Variants in SOX5 observed in about 807,000 individuals in gnomAD.
The protein encoded by SOX5 is SRY-box transcription factor 5, also known as transcription factor SOX-5.
In SOX5, 9 loss-of-function variants were observed where a neutral mutation model predicts 92.0. The observed-to-expected ratio is 0.10, with a 90% CI of 0.06 to 0.17. SOX5 has a LOEUF of 0.17. Ranked by LOEUF, SOX5 falls within the 10% of genes least tolerant of loss-of-function variation. SOX5 has a pLI of 1.00. For synonymous variants in SOX5, 344 were observed against 336.3 expected (o/e 1.02, Z -0.25); for missense variants, 642 against 944.5 (o/e 0.68, Z 4.20).
intron 6 of SOX5, among the ~76,000 whole-genome samples, chr12:23,679,336 G>A (rs1157153182): frequency 5.3e-5 from 8 of 152,106 alleles, no homozygotes; most frequent in South Asian, 2.1e-4. Context: ...TGGCAATTAA[G>A]GTGAGGATAC....
intron 2 of SOX5, among the ~76,000 whole-genome samples, chr12:24,348,100 C>A (rs977200070): frequency 1.3e-5 from 2 of 148,546 alleles, no homozygotes; most frequent in African/African-American, 5.0e-5. Context: ...CACACCACTT[C>A]TGAATATTTT....
intron 3 of SOX5, among the ~76,000 whole-genome samples, chr12:23,771,917 T>C (rs1307798048): frequency 2.0e-5 from 3 of 152,212 alleles, no homozygotes; most frequent in East Asian, 1.9e-4. Flanking sequence ...GTGAAAACTC[T>C]GAAGTTTGGC....
At chr12:23,683,172 A>G (rs1029035854) in intron 6 of SOX5, among the ~76,000 whole-genome samples, 3 of 151,954 alleles carry the variant, frequency 2.0e-5, no homozygotes, top group Non-Finnish European at 4.4e-5. Context: ...AGCCCTAATG[A>G]TGGTGTAAAT....
rs533772915 is a variant in SOX5 at position 23,621,804 on chromosome 12, C to T, written c.1018-17271G>A. ...TGAAACAAGAGCTATGAGATCAACC[C>T]ACCCTTCACTGACTTTGCAAAAACC... On this transcript the variant is annotated intron_variant, in intron 8 of 14. Transcript: ENST00000451604. Among the ~76,000 whole-genome samples the T allele has an allele frequency of 7.9e-5, 12 of 152,222 alleles. No homozygotes were observed. In the South Asian group the frequency reaches 2.5e-3, roughly 32 times the overall value.
chr12:24,486,300 C>A (rs1946521585), intron 1 of SOX5, among the ~76,000 whole-genome samples: 1 of 152,124 alleles, frequency 6.6e-6, no homozygotes, highest in Non-Finnish European at 1.5e-5. Flanking sequence ...TTACAAGTAA[C>A]CTGGTCCAGC....
At chr12:23,702,947 T>C (rs1195919637) in intron 6 of SOX5, among the ~76,000 whole-genome samples, 3 of 152,076 alleles carry the variant, frequency 2.0e-5, no homozygotes, top group Non-Finnish European at 4.4e-5. Flanking sequence ...TAATCTGCAA[T>C]TGTCCATGGG....
At chr12:24,052,140 C>T (rs1957626837) in intron 4 of SOX5, among the ~76,000 whole-genome samples, 1 of 152,110 alleles carries the variant, frequency 6.6e-6, no homozygotes, top group African/African-American at 2.4e-5. Context: ...TTTACCTGCT[C>T]CTTAAACACA....
At chr12:24,013,670 T>C (rs1164039405) in intron 4 of SOX5, among the ~76,000 whole-genome samples, 3 of 152,120 alleles carry the variant, frequency 2.0e-5, no homozygotes, top group Non-Finnish European at 2.9e-5. Context: ...CATGGGAAAA[T>C]TGCAAAACTA....
chr12:24,276,118 GC>G (rs1266605460), intron 3 of SOX5, among the ~76,000 whole-genome samples: 1 of 151,738 alleles, frequency 6.6e-6, no homozygotes, highest in African/African-American at 2.4e-5. Context: ...TGGTATTTTT[GC>G]CTGTAAACCT....
At chr12:23,838,890 A>G (rs1594925240) in intron 3 of SOX5, among the ~76,000 whole-genome samples, 1 of 132,782 alleles carries the variant, frequency 7.5e-6, no homozygotes, top group Admixed American at 8.1e-5. Flanking sequence ...CCCAGGCTGG[A>G]GTGCAGTGGC....
chr12:24,250,422 C>T (rs1010048945), intron 3 of SOX5, among the ~76,000 whole-genome samples: 24 of 152,232 alleles, frequency 1.6e-4, no homozygotes, highest in Middle Eastern at 3.4e-3. Flanking sequence ...CTTTTTGAGA[C>T]GCAGCCTAAA....
At chr12:23,900,804 C>T (rs942747697) in intron 1 of SOX5, among the ~76,000 whole-genome samples, 10 of 151,926 alleles carry the variant, frequency 6.6e-5, no homozygotes, top group African/African-American at 2.4e-4. Flanking sequence ...TACTGAAATA[C>T]AAAAAATTAG....
chr12:24,491,398 C>A (rs1326030534), intron 1 of SOX5, among the ~76,000 whole-genome samples: 1 of 152,026 alleles, frequency 6.6e-6, no homozygotes, highest in Non-Finnish European at 1.5e-5. Context: ...TCATGATAGT[C>A]CTGAACATCC....
At chr12:24,290,897 G>A (rs1003848086) in intron 2 of SOX5, among the ~76,000 whole-genome samples, 5 of 152,148 alleles carry the variant, frequency 3.3e-5, no homozygotes, top group African/African-American at 1.2e-4. Context: ...AAAGAAGCAG[G>A]GGTCTTGATT....
At chr12:23,759,500 C>G (rs1043072227) in intron 3 of SOX5, among the ~76,000 whole-genome samples, 1 of 151,848 alleles carries the variant, frequency 6.6e-6, no homozygotes, top group African/African-American at 2.4e-5. Context: ...CAAAGAGCTT[C>G]AAAAAAATCC....
chr12:23,813,921 C>T (rs1057257837), intron 3 of SOX5, among the ~76,000 whole-genome samples: 5 of 151,836 alleles, frequency 3.3e-5, no homozygotes, highest in South Asian at 4.1e-4. Context: ...CTGTCATATG[C>T]GGCAAAATAA....
chr12:23,940,059 T>G (rs1460207417), intron 1 of SOX5, among the ~76,000 whole-genome samples: 1 of 151,236 alleles, frequency 6.6e-6, no homozygotes, highest in Non-Finnish European at 1.5e-5. Flanking sequence ...TTTCTTTTCT[T>G]TTATCCTTAT....
At chr12:23,640,318 T>A (rs2079881688) in intron 8 of SOX5, among the ~76,000 whole-genome samples, 1 of 152,188 alleles carries the variant, frequency 6.6e-6, no homozygotes, top group African/African-American at 2.4e-5. Context: ...TTGTGCTTAT[T>A]TAGTCTTCAG....
intron 9 of SOX5, among the ~76,000 whole-genome samples, chr12:23,588,813 A>G (rs1951114085): frequency 6.6e-6 from 1 of 151,946 alleles, no homozygotes; most frequent in African/African-American, 2.4e-5. Context: ...TTGGTGAACC[A>G]TGGACTGCCT....
Sources: allele counts gnomAD v4.1 joint callset (sites outside exome capture counted in the v4.1 genomes callset), GRCh38; gene constraint gnomAD v4.1.1; transcripts MANE v1.5; gene names NCBI Gene and HGNC (gene_info 2026-07-23, HGNC 2026-07-21).